Variants in SLC4A4 observed in about 807,000 individuals in gnomAD.
SLC4A4 encodes electrogenic sodium bicarbonate cotransporter 1.
Under a neutral mutation model 111.5 loss-of-function variants are expected in SLC4A4, and 27 were observed. The ratio of observed to expected loss-of-function variants is 0.24; its 90% CI spans 0.18 to 0.33. The LOEUF (loss-of-function observed/expected upper bound fraction) is 0.33, where lower values mean the gene tolerates loss of function less well. SLC4A4 is among the 10% of genes least tolerant of loss of function. The pLI, the probability that SLC4A4 is intolerant of heterozygous loss-of-function variation, is 1.00. For synonymous variants in SLC4A4, 443 were observed against 463.4 expected, an observed-to-expected ratio of 0.96 and a Z score of 0.57; for missense variants, 909 against 1,315.5, an observed-to-expected ratio of 0.69 and a Z score of 4.78.
intron 2 of SLC4A4, among the ~76,000 whole-genome samples, chr4:71,135,888 G>A (rs1195964606): frequency 6.6e-6 from 1 of 152,118 alleles, no homozygotes; most frequent in Admixed American, 6.5e-5. Flanking sequence ...TGTACTCTTT[G>A]AGTTGTCGAT....
intron 7 of SLC4A4, among the ~76,000 whole-genome samples, chr4:71,423,225 A>C (rs1722739670): frequency 6.6e-6 from 1 of 152,132 alleles, no homozygotes; most frequent in African/African-American, 2.4e-5. Context: ...TCATGAGTGA[A>C]CTCCCATTAA....
chr4:71,344,581 A>G (rs1210474741), intron 4 of SLC4A4, among the ~76,000 whole-genome samples: 1 of 152,152 alleles, frequency 6.6e-6, no homozygotes, highest in African/African-American at 2.4e-5. Flanking sequence ...GTCGCAATTG[A>G]TAGCCTATTT....
chr4:71,547,135 A>G (rs1735610129), intron 19 of SLC4A4, among the ~76,000 whole-genome samples: 1 of 151,930 alleles, frequency 6.6e-6, no homozygotes, highest in Admixed American at 6.6e-5. Context: ...GAGGGGGTGT[A>G]GGATGGGAAT....
chr4:71,482,231 A>C, intron 14 of SLC4A4, among the ~76,000 whole-genome samples: 1 of 151,600 alleles, frequency 6.6e-6, no homozygotes. Context: ...TGCAATTATG[A>C]AACTGCTTTT....
intron 6 of SLC4A4, among the ~76,000 whole-genome samples, chr4:71,361,189 T>C (rs1730749348): frequency 6.6e-6 from 1 of 152,164 alleles, no homozygotes. Context: ...TGCATACACA[T>C]ACTCACGCAC....
rs1737942842 is a variant in SLC4A4 at position 71,571,700 on chromosome 4, TA to T, written c.*3950del. The T allele has an allele frequency of 6.6e-6, 1 of 152,272 alleles. No homozygotes were observed. Among genetic ancestry groups the T allele is most frequent in the Non-Finnish European group, 1.5e-5 (1 of 67,878 alleles). 9.4% of individuals were successfully genotyped at this position (152,272 alleles called of 1,614,324 possible). ...AGTCCTACAATGTGAAAAGAGTGAA[TA>T]GTTGCCTCTTTTTAGCCATTTTCAT... On this transcript the variant is annotated 3_prime_UTR_variant, in exon 26 of 26. Coordinates refer to ENST00000264485, the MANE Select transcript of SLC4A4 (RefSeq NM_001098484.3).
At chr4:71,424,321 C>T (rs1487243196) in intron 7 of SLC4A4, among the ~76,000 whole-genome samples, 4 of 151,856 alleles carry the variant, frequency 2.6e-5, no homozygotes, top group African/African-American at 4.8e-5. Context: ...GAATGGCAAT[C>T]GTTAAAAAGT....
intron 2 of SLC4A4, among the ~76,000 whole-genome samples, chr4:71,182,196 T>C (rs1745314446): frequency 1.3e-5 from 2 of 152,228 alleles, no homozygotes; most frequent in Admixed American, 6.5e-5. Context: ...GACCCAACCA[T>C]GCCCCATATT....
intron 2 of SLC4A4, among the ~76,000 whole-genome samples, chr4:71,124,457 A>G (rs1578502804): frequency 6.6e-6 from 1 of 152,318 alleles, no homozygotes; most frequent in East Asian, 1.9e-4. Context: ...GGCATGAGCC[A>G]CCGTGCCCAG....
At chr4:71,240,883 C>T (rs1194976587) in intron 2 of SLC4A4, among the ~76,000 whole-genome samples, 2 of 151,838 alleles carry the variant, frequency 1.3e-5, no homozygotes, top group Non-Finnish European at 1.5e-5. Context: ...TTTGGGAGGC[C>T]AAGGTGGGAG....
intron 16 of SLC4A4, among the ~76,000 whole-genome samples, chr4:71,506,861 T>A (rs976907679): frequency 6.6e-6 from 1 of 152,058 alleles, no homozygotes; most frequent in Non-Finnish European, 1.5e-5. Flanking sequence ...CAAGATCACC[T>A]ACAAAGGGAA....
Position 71,255,408 on chromosome 4 carries a change from T to A in SLC4A4, c.253+9T>A. 6.2e-7 allele frequency: 1 copy of A among 1,613,134 alleles called. No homozygotes were observed. The highest frequency in any genetic ancestry group is 8.5e-7 in the Non-Finnish European group (1 of 1,179,260). ...CATCCTAAAACCTCTCAGTGAGTACTCTCTGAGCGTTGGTGCCTCTCTCTG... is the reference window on the plus strand; with the variant it reads ...CATCCTAAAACCTCTCAGTGAGTACACTCTGAGCGTTGGTGCCTCTCTCTG... On this transcript the variant is annotated intron_variant, in intron 3 of 25. Transcript: ENST00000264485.
At chr4:71,320,359 T>C (rs894291067) in intron 3 of SLC4A4, among the ~76,000 whole-genome samples, 1 of 152,070 alleles carries the variant, frequency 6.6e-6, no homozygotes, top group Non-Finnish European at 1.5e-5. Context: ...TGTTGAAATT[T>C]GCTGCTCTGG....
intron 2 of SLC4A4, among the ~76,000 whole-genome samples, chr4:71,156,584 G>GCACACACA (rs1197617607): frequency 2.5e-4 from 28 of 112,494 alleles, no homozygotes; most frequent in African/African-American, 1.1e-3. Context: ...GCGCGCGCGC[G>GCACACACA]CGCGCACACA....
At chr4:71,417,883 G>C (rs906552159) in intron 7 of SLC4A4, among the ~76,000 whole-genome samples, 3 of 152,126 alleles carry the variant, frequency 2.0e-5, no homozygotes, top group Non-Finnish European at 2.9e-5. Flanking sequence ...TTCAACTCAT[G>C]GCCTGGCCTT....
chr4:71,212,509 A>G (rs568461204), intron 1 of SLC4A4, among the ~76,000 whole-genome samples: 18 of 152,208 alleles, frequency 1.2e-4, no homozygotes, highest in Non-Finnish European at 2.1e-4. Context: ...ACCAGAAATG[A>G]GAAAAACCAG....
chr4:71,311,286 G>A (rs1299394549), intron 3 of SLC4A4, among the ~76,000 whole-genome samples: 4 of 152,034 alleles, frequency 2.6e-5, no homozygotes, highest in East Asian at 3.9e-4. Context: ...ACAGATCAAC[G>A]AGACAGAAAA....
At chr4:71,366,315 T>TTGTGTGTATGTG (rs1553898895) in intron 6 of SLC4A4, among the ~76,000 whole-genome samples, 2 of 137,914 alleles carry the variant, frequency 1.5e-5, no homozygotes, top group Non-Finnish European at 3.1e-5. Flanking sequence ...TCTGGAGATA[T>TTGTGTGTATGTG]TGTGTGTGTG....
chr4:71,259,865 A>G (rs1356820956), intron 3 of SLC4A4, among the ~76,000 whole-genome samples: 1 of 152,174 alleles, frequency 6.6e-6, no homozygotes, highest in Non-Finnish European at 1.5e-5. Flanking sequence ...ATGGTAGGAA[A>G]CAAAGCTACA....
Sources: gnomAD v4.1 joint callset for allele counts (sites outside exome capture counted in the v4.1 genomes callset) on GRCh38, gnomAD v4.1.1 for gene constraint, MANE v1.5 for transcripts, NCBI Gene and HGNC (gene_info 2026-07-23, HGNC 2026-07-21) for gene names.